Variants in AFG2A observed in about 807,000 individuals in gnomAD.
AFG2A encodes ATPase family gene 2 protein homolog A.
chr4:123,262,474 C>T, the AFG2A span, among the ~76,000 whole-genome samples: 1 of 152,176 alleles, frequency 6.6e-6, no homozygotes, highest in Non-Finnish European at 1.5e-5. Flanking sequence ...TGAAGGACTC[C>T]ACGATCTCCT....
At chr4:123,230,010 A>C in the AFG2A span, among the ~76,000 whole-genome samples, 1 of 151,976 alleles carries the variant, frequency 6.6e-6, no homozygotes. Context: ...AAATGCTAGC[A>C]ATCATCTGAG....
chr4:123,313,649 A>G, the AFG2A span, among the ~76,000 whole-genome samples: 2 of 152,150 alleles, frequency 1.3e-5, no homozygotes, highest in Non-Finnish European at 2.9e-5. Flanking sequence ...ATCTTTTGGC[A>G]CTCCTGGTTC....
At chr4:123,262,986 A>C in the AFG2A span, among the ~76,000 whole-genome samples, 1 of 152,208 alleles carries the variant, frequency 6.6e-6, no homozygotes, top group African/African-American at 2.4e-5. Flanking sequence ...GTCTAAAATC[A>C]GTTAAAGTTT....
At chr4:123,152,967 T>C in the AFG2A span, among the ~76,000 whole-genome samples, 1 of 152,224 alleles carries the variant, frequency 6.6e-6, no homozygotes, top group African/African-American at 2.4e-5. Context: ...GCATGCAGTG[T>C]CTTGAATGCT....
At chr4:122,963,425 T>A in the AFG2A span, among the ~76,000 whole-genome samples, 1,146 of 152,210 alleles carry the variant, frequency 7.5e-3, 13 homozygotes, top group African/African-American at 0.026. Context: ...AAATAATGGG[T>A]ATTGGTTCAC....
the AFG2A span, among the ~76,000 whole-genome samples, chr4:123,239,842 A>G: frequency 0.51 from 77,924 of 152,012 alleles, 24,563 homozygotes; most frequent in Non-Finnish European, 0.67. Flanking sequence ...CTAACCTTAA[A>G]TGTAAATGGG....
chr4:123,023,572 A>G, the AFG2A span, among the ~76,000 whole-genome samples: 1 of 152,026 alleles, frequency 6.6e-6, no homozygotes. Flanking sequence ...ATGCAAAAAC[A>G]TCTTGAGAGT....
the AFG2A span, among the ~76,000 whole-genome samples, chr4:123,008,904 G>A: frequency 6.6e-6 from 1 of 152,074 alleles, no homozygotes; most frequent in Non-Finnish European, 1.5e-5. Context: ...ATGGAGAGTG[G>A]GGGGAGGTGT....
the AFG2A span, among the ~76,000 whole-genome samples, chr4:123,218,400 C>T: frequency 6.6e-6 from 1 of 151,972 alleles, no homozygotes; most frequent in Admixed American, 6.6e-5. Flanking sequence ...CAGATTTTGC[C>T]TTTAAGAACA....
At chr4:123,118,317 T>TATATTATATATA in the AFG2A span, among the ~76,000 whole-genome samples, 4 of 2,206 alleles carry the variant, frequency 1.8e-3, no homozygotes, top group Non-Finnish European at 0.015. Context: ...ATATATAATA[T>TATATTATATATA]ATATTATATA....
chr4:123,182,174 T>C, the AFG2A span, among the ~76,000 whole-genome samples: 1 of 152,232 alleles, frequency 6.6e-6, no homozygotes, highest in Non-Finnish European at 1.5e-5. Flanking sequence ...GCACAAAACA[T>C]TAAATCATCA....
chr4:123,163,244 G>A, the AFG2A span, among the ~76,000 whole-genome samples: 2 of 152,160 alleles, frequency 1.3e-5, no homozygotes, highest in African/African-American at 4.8e-5. Context: ...GACTAGCCTG[G>A]CCAACATGGT....
the AFG2A span, among the ~76,000 whole-genome samples, chr4:123,244,575 A>G: frequency 6.6e-6 from 1 of 152,254 alleles, no homozygotes; most frequent in South Asian, 2.1e-4. Flanking sequence ...ACTTTAGCAC[A>G]GAATATTGTT....
the AFG2A span, among the ~76,000 whole-genome samples, chr4:123,258,656 T>C: frequency 6.6e-6 from 1 of 152,056 alleles, no homozygotes; most frequent in Non-Finnish European, 1.5e-5. Context: ...TAGTATATTA[T>C]ATTCAAGATT....
At chr4:122,938,582 T>G in the AFG2A span, among the ~76,000 whole-genome samples, 1 of 152,120 alleles carries the variant, frequency 6.6e-6, no homozygotes, top group East Asian at 1.9e-4. Context: ...GGATTTTATT[T>G]TATTTTTATT....
chr4:123,154,954 C>A, the AFG2A span, among the ~76,000 whole-genome samples: 1 of 152,010 alleles, frequency 6.6e-6, no homozygotes. Context: ...TCCACTTCTG[C>A]CCCTGCCTGC....
At chr4:123,004,657 A>G in the AFG2A span, among the ~76,000 whole-genome samples, 2 of 152,232 alleles carry the variant, frequency 1.3e-5, no homozygotes, top group Non-Finnish European at 2.9e-5. Flanking sequence ...TTTTGCATAT[A>G]TGTTCATGAG....
chr4:123,256,742 T>C, the AFG2A span: 5 of 985,290 alleles, frequency 5.1e-6, no homozygotes, highest in African/African-American at 3.5e-5. Context: ...GAAGATAAAC[T>C]CTTGACAAGA....
chr4:123,256,299 C>A, the AFG2A span: 1 of 1,126,410 alleles, frequency 8.9e-7, no homozygotes, highest in Non-Finnish European at 1.3e-6. Context: ...AATCTTGAAA[C>A]AGGAAGTGCA....
Sources: gnomAD v4.1 joint callset for allele counts (sites outside exome capture counted in the v4.1 genomes callset) on GRCh38, gnomAD v4.1.1 for gene constraint, MANE v1.5 for transcripts, NCBI Gene and HGNC (gene_info 2026-07-23, HGNC 2026-07-21) for gene names.